Variants in MROH7 observed in about 807,000 individuals in gnomAD.
MROH7 encodes the protein maestro heat like repeat family member 7, also known as maestro heat-like repeat-containing protein family member 7.
MROH7 carries 113 observed loss-of-function variants against 129.2 expected under a neutral mutation model. The ratio of observed to expected loss-of-function variants is 0.87; its 90% CI spans 0.75 to 1.02. MROH7 has a LOEUF of 1.02. Ranked by LOEUF, MROH7 falls within the 50% of genes least tolerant of loss-of-function variation. The probability of loss-of-function intolerance (pLI) is 0.00; values close to 1 mark genes in which losing one functional copy is unlikely to be tolerated. For missense variants in MROH7, 1,601 were observed against 1,671.3 expected (o/e 0.96, Z 0.73); for synonymous variants, 655 against 667.9 (o/e 0.98, Z 0.30).
At chr1:54,692,400 G>A (rs745560203) in intron 15 of MROH7, 24 bp from the exon 16 acceptor site, 10 of 1,613,518 alleles carry the variant, frequency 6.2e-6, no homozygotes, top group Non-Finnish European at 7.6e-6. Context: ...TAGGCATGAG[G>A]TCTTAATTGC....
chr1:54,702,871 C>A, intron 21 of MROH7, 126 bp downstream of exon 21: 2 of 1,189,698 alleles, frequency 1.7e-6, no homozygotes, highest in South Asian at 1.6e-5. Flanking sequence ...GTTGTTGGTT[C>A]TGGAACGTTC....
In MROH7 at chr1:54,702,182, G is replaced by A. The variant is rs1195032469; in HGVS notation, c.3378G>A (p.Gln1126=). 3 of 1,604,422 alleles carry A rather than the reference G, an allele frequency of 1.9e-6. No individual in the cohort carries two copies. The highest frequency in any genetic ancestry group is 1.7e-6 in the Non-Finnish European group (2 of 1,175,958). Reference sequence around the variant, plus strand: ...CACGCACTCAGGCCATGGAGGAGCAGCTGGTCAGCACCTTGGTGCCCCTAC... The same window carrying A: ...CACGCACTCAGGCCATGGAGGAGCAACTGGTCAGCACCTTGGTGCCCCTAC... The part of the protein sequence containing the change: ...RAPRTQAMEE[Q]LVSTLVPLLL... The change falls in exon 20 of 24, where the codon CAG becomes CAA. Residue 1126 remains glutamine (Q), a synonymous_variant. Coordinates refer to ENST00000421030, the MANE Select transcript of MROH7 (RefSeq NM_001039464.4).
chr1:54,679,591 A>C (rs1176886284), intron 12 of MROH7, 152 bp downstream of exon 12: 1 of 871,236 alleles, frequency 1.1e-6, no homozygotes, highest in Non-Finnish European at 1.7e-6. Context: ...CTGGTGGCTG[A>C]GTTCTAGGTG....
At position 54,653,911 on chromosome 1, in the gene MROH7, C is replaced by G. The variant is rs1184487509; in HGVS notation, c.985C>G (p.Leu329Val). The change falls in exon 3 of 24, where the codon CTA (leucine) becomes GTA (valine). Residue 329 changes from leucine to valine, a missense_variant. By Grantham distance (32) the Leu-to-Val change is conservative. Transcript: ENST00000421030. ...STISPPSCMT[L>V]ILGSNETLSL... ...CATCTCTCCACCCTCATGCATGACT[C>G]TAATCCTGGGTTCCAATGAGACTCT... The G allele has an allele frequency of 3.1e-6, 5 of 1,614,040 alleles. No homozygotes were observed. The highest frequency in any genetic ancestry group is 4.2e-6 in the Non-Finnish European group (5 of 1,180,014).
chr1:54,644,801 CTTT>C (rs553525945), intron 1 of MROH7, among the ~76,000 whole-genome samples: 1 of 138,210 alleles, frequency 7.2e-6, no homozygotes, highest in African/African-American at 2.7e-5. Flanking sequence ...AGCCAAATAA[CTTT>C]TTTTTTTTTT....
At chr1:54,644,501 C>A (rs570764670) in intron 1 of MROH7, among the ~76,000 whole-genome samples, 4 of 152,030 alleles carry the variant, frequency 2.6e-5, no homozygotes, top group African/African-American at 9.6e-5. Context: ...CACCACCATG[C>A]CTGGATAATT....
chr1:54,642,346 G>A (rs567747472), intron 1 of MROH7, among the ~76,000 whole-genome samples: 1 of 152,300 alleles, frequency 6.6e-6, no homozygotes, highest in Admixed American at 6.5e-5. Flanking sequence ...GAGAGAGAAG[G>A]TTTTGAATTC....
intron 17 of MROH7, 123 bp downstream of exon 17, chr1:54,695,613 T>A: frequency 1.4e-6 from 1 of 728,386 alleles, no homozygotes; most frequent in Non-Finnish European, 2.5e-6. Flanking sequence ...GGGCATGACT[T>A]CTCTTGACTA....
rs565009060 is a variant in MROH7 at position 54,666,547 on chromosome 1, A to G, written c.1305+1307A>G. ...CTTCCCAGGCTTACGCAATCCTCCC[A>G]TCTCAGCCTCCTGAGTAGCTGGGAT... is the stretch of plus-strand genomic sequence containing the variant. On this transcript the variant is annotated intron_variant, in intron 4 of 23. Coordinates refer to ENST00000421030, the MANE Select transcript of MROH7 (RefSeq NM_001039464.4). 2.8e-5 allele frequency among the ~76,000 whole-genome samples: 4 copies of G among 144,840 alleles called. No individual in the cohort carries two copies. The South Asian group carries it at 8.6e-4, about 31-fold the overall frequency.
intron 4 of MROH7, 50 bp downstream of exon 4, chr1:54,665,290 C>A: frequency 6.8e-7 from 1 of 1,478,822 alleles, no homozygotes; most frequent in Non-Finnish European, 9.4e-7. Flanking sequence ...TACTTCCATC[C>A]TGCCAACCCC....
intron 1 of MROH7, among the ~76,000 whole-genome samples, chr1:54,646,345 C>T (rs1278373108): frequency 4.6e-5 from 7 of 151,838 alleles, no homozygotes; most frequent in African/African-American, 1.5e-4. Context: ...GTCTTTTTGG[C>T]TGGAGAAAGC....
At chr1:54,689,425 C>T (rs1022891161) in intron 15 of MROH7, among the ~76,000 whole-genome samples, 5 of 152,172 alleles carry the variant, frequency 3.3e-5, no homozygotes, top group African/African-American at 1.2e-4. Flanking sequence ...TTTTGAGCCA[C>T]CCAGGTTGTG....
At chr1:54,701,458 T>G in intron 19 of MROH7, 136 bp downstream of exon 19, 1 of 639,258 alleles carries the variant, frequency 1.6e-6, no homozygotes, top group Non-Finnish European at 2.5e-6. Flanking sequence ...AGGAACTTTG[T>G]CCCAGCTGGT....
chr1:54,695,227 G>A, intron 16 of MROH7, 149 bp from the exon 17 acceptor site: 1 of 614,116 alleles, frequency 1.6e-6, no homozygotes, highest in East Asian at 2.8e-5. Context: ...GATGACCTCT[G>A]AGATCCCACC....
intron 20 of MROH7, 23 bp downstream of exon 20, chr1:54,702,268 C>T (rs1163378450): frequency 1.4e-6 from 2 of 1,411,884 alleles, no homozygotes; most frequent in Non-Finnish European, 1.9e-6. Flanking sequence ...GGGCCCTGCA[C>T]CCTCTACCCC....
chr1:54,690,712 G>T (rs1404656820), intron 15 of MROH7, among the ~76,000 whole-genome samples: 2 of 152,146 alleles, frequency 1.3e-5, no homozygotes, highest in Non-Finnish European at 2.9e-5. Context: ...CAAAGTGCTG[G>T]GATTACAGGC....
intron 10 of MROH7, 135 bp downstream of exon 10, chr1:54,674,286 G>A (rs1294076850): frequency 4.1e-6 from 4 of 965,322 alleles, no homozygotes; most frequent in Middle Eastern, 3.3e-4. Context: ...GGCCAGATGG[G>A]GACTGTGGAA....
In MROH7 at chr1:54,678,771, AAGG is replaced by A. The variant is rs559123535; in HGVS notation, c.1969_1971del (p.Glu657del). On this transcript the variant is annotated inframe_deletion, in exon 11 of 24. Transcript: ENST00000421030. The stretch of plus-strand genomic sequence containing the variant: ...CAGAGATAAGGAAGAGACCAACAAA[AAGG>A]AGCTATATGAGAGCAACAAGCATTT... 51 of 1,614,078 alleles carry A rather than the reference AAGG, an allele frequency of 3.2e-5. 1 individual carries two copies. In the South Asian group the frequency reaches 4.4e-4, roughly 14 times the overall value.
intron 3 of MROH7, among the ~76,000 whole-genome samples, chr1:54,661,345 T>C (rs1465360796): frequency 6.6e-6 from 1 of 151,892 alleles, no homozygotes; most frequent in Non-Finnish European, 1.5e-5. Context: ...CCTGAGTAGC[T>C]GGGATTACAG....
Sources: gnomAD v4.1 joint callset for allele counts (sites outside exome capture counted in the v4.1 genomes callset) on GRCh38, gnomAD v4.1.1 for gene constraint, MANE v1.5 for transcripts, NCBI Gene and HGNC (gene_info 2026-07-23, HGNC 2026-07-21) for gene names.